The following AKAP6 variants were observed in gnomAD, a reference collection of about 807,000 sequenced individuals.
The protein encoded by AKAP6 is A-kinase anchor protein 6.
A neutral mutation model predicts 188.5 loss-of-function variants in AKAP6; 58 were observed. That is an observed-to-expected ratio of 0.31 (90% CI 0.25 to 0.38). The LOEUF is 0.38. Ranked by LOEUF, AKAP6 falls within the 10% of genes least tolerant of loss-of-function variation. The pLI, the probability that AKAP6 is intolerant of heterozygous loss-of-function variation, is 1.00. For synonymous variants in AKAP6, 989 were observed against 998.6 expected, an observed-to-expected ratio of 0.99 and a Z score of 0.18; for missense variants, 2,710 against 2,740.0, an observed-to-expected ratio of 0.99 and a Z score of 0.24.
intron 2 of AKAP6, among the ~76,000 whole-genome samples, chr14:32,503,959 T>C (rs1291894082): frequency 6.6e-6 from 1 of 151,812 alleles, no homozygotes; most frequent in Non-Finnish European, 1.5e-5. Flanking sequence ...CATATATTAA[T>C]GCATTATATT....
chr14:32,692,831 C>A (rs1157131183), intron 8 of AKAP6, among the ~76,000 whole-genome samples: 1 of 152,066 alleles, frequency 6.6e-6, no homozygotes, highest in Non-Finnish European at 1.5e-5. Flanking sequence ...AAGCTTCTTT[C>A]TTTTGTCTTG....
At chr14:32,665,699 G>A (rs1015119364) in intron 7 of AKAP6, among the ~76,000 whole-genome samples, 5 of 152,162 alleles carry the variant, frequency 3.3e-5, no homozygotes, top group South Asian at 2.1e-4. Flanking sequence ...CTTTAGGGCA[G>A]GTGAAAGCAG....
At chr14:32,735,637 T>C in intron 10 of AKAP6, 21 bp from the exon 11 acceptor site, 1 of 1,514,208 alleles carries the variant, frequency 6.6e-7, no homozygotes, top group East Asian at 2.3e-5. Context: ...TTATTTTTTG[T>C]TTTTTAATCT....
At chr14:32,759,481 A>G (rs749927322) in intron 11 of AKAP6, among the ~76,000 whole-genome samples, 2 of 152,172 alleles carry the variant, frequency 1.3e-5, no homozygotes, top group Non-Finnish European at 2.9e-5. Flanking sequence ...AGCCAAGACC[A>G]CCAGCAAAAG....
intron 7 of AKAP6, among the ~76,000 whole-genome samples, chr14:32,635,927 A>G (rs888982994): frequency 6.6e-6 from 1 of 152,018 alleles, no homozygotes; most frequent in Non-Finnish European, 1.5e-5. Context: ...GCACCATTCA[A>G]TTTATTCATT....
chr14:32,353,370 GCTAACACGGTGAAACCCTGT>G (rs113620349), intron 1 of AKAP6, among the ~76,000 whole-genome samples: 11 of 152,222 alleles, frequency 7.2e-5, no homozygotes, highest in African/African-American at 2.2e-4. Context: ...AACCATCCTG[GCTAACACGGTGAAACCCTGT>G]CTCTACTAAA....
At chr14:32,529,258 A>G (rs1382138279) in intron 2 of AKAP6, among the ~76,000 whole-genome samples, 1 of 152,088 alleles carries the variant, frequency 6.6e-6, no homozygotes, top group Non-Finnish European at 1.5e-5. Context: ...TTTTTATTTC[A>G]TATTCCAATT....
chr14:32,454,064 A>G (rs2138789164), intron 2 of AKAP6, among the ~76,000 whole-genome samples: 1 of 152,258 alleles, frequency 6.6e-6, no homozygotes, highest in South Asian at 2.1e-4. Context: ...ACATGAAGAA[A>G]CCATGAGTAC....
chr14:32,605,224 T>C (rs1363005914), intron 7 of AKAP6, among the ~76,000 whole-genome samples: 1 of 152,184 alleles, frequency 6.6e-6, no homozygotes, highest in Non-Finnish European at 1.5e-5. Flanking sequence ...CAAAGTGCTA[T>C]AAATACACTG....
intron 2 of AKAP6, among the ~76,000 whole-genome samples, chr14:32,507,987 G>A (rs1880965277): frequency 6.6e-6 from 1 of 152,184 alleles, no homozygotes; most frequent in South Asian, 2.1e-4. Flanking sequence ...CCAGAGACCT[G>A]AGTTCTGTCA....
chr14:32,389,425 T>G (rs1888636485), intron 1 of AKAP6, among the ~76,000 whole-genome samples: 1 of 152,026 alleles, frequency 6.6e-6, no homozygotes, highest in Non-Finnish European at 1.5e-5. Context: ...TTAGTTGTAT[T>G]TTTGTTTTAT....
At chr14:32,493,931 G>C (rs377243686) in intron 2 of AKAP6, among the ~76,000 whole-genome samples, 2 of 152,114 alleles carry the variant, frequency 1.3e-5, no homozygotes, top group Non-Finnish European at 2.9e-5. Context: ...GCACTGAGGA[G>C]GGGTCATTAA....
chr14:32,502,257 G>T (rs1566542168), intron 2 of AKAP6, among the ~76,000 whole-genome samples: 1 of 152,098 alleles, frequency 6.6e-6, no homozygotes, highest in African/African-American at 2.4e-5. Flanking sequence ...TTAAATGAAA[G>T]GAGATATTTT....
chr14:32,510,038 A>G (rs1410838641), intron 2 of AKAP6, among the ~76,000 whole-genome samples: 5 of 152,062 alleles, frequency 3.3e-5, no homozygotes, highest in Admixed American at 3.3e-4. Flanking sequence ...GGAAGTTTTG[A>G]GGCCAGTTGA....
At chr14:32,589,657 T>C (rs1885400421) in intron 5 of AKAP6, among the ~76,000 whole-genome samples, 1 of 152,234 alleles carries the variant, frequency 6.6e-6, no homozygotes, top group African/African-American at 2.4e-5. Flanking sequence ...TCTTGGGCCA[T>C]AATACCCAGT....
In AKAP6 at chr14:32,514,849, A is replaced by G. The variant is rs78895827; in HGVS notation, c.325-20705A>G. Among the ~76,000 whole-genome samples the G allele has an allele frequency of 6.1e-4, 93 of 152,272 alleles. No homozygotes were observed. The East Asian group carries it at 0.017, about 28-fold the overall frequency. On this transcript the variant is annotated intron_variant, in intron 2 of 13. Coordinates refer to ENST00000280979, the MANE Select transcript of AKAP6 (RefSeq NM_004274.5). ...ATGGCCTGAACCCAGCATAGCAACT[A>G]AGGAAAACACAACAAAAAGGGCCTC...
intron 2 of AKAP6, among the ~76,000 whole-genome samples, chr14:32,510,535 A>C (rs1881206983): frequency 1.4e-5 from 2 of 145,838 alleles, no homozygotes; most frequent in Admixed American, 7.0e-5. Context: ...TATTCCCTGG[A>C]GATATTTTGA....
At chr14:32,805,240 G>A (rs12897884) in intron 12 of AKAP6, among the ~76,000 whole-genome samples, 33,654 of 151,984 alleles carry the variant, frequency 0.22, 4,508 homozygotes, top group Non-Finnish European at 0.3. Context: ...CCCTCTGTTC[G>A]GGGTCCCTGA....
intron 11 of AKAP6, among the ~76,000 whole-genome samples, chr14:32,754,474 T>G (rs2032259399): frequency 6.6e-6 from 1 of 152,142 alleles, no homozygotes; most frequent in African/African-American, 2.4e-5. Context: ...ACCAAACTAT[T>G]TTAGCTATAA....
Sources: allele counts gnomAD v4.1 joint callset (sites outside exome capture counted in the v4.1 genomes callset), GRCh38; gene constraint gnomAD v4.1.1; transcripts MANE v1.5; gene names NCBI Gene and HGNC (gene_info 2026-07-23, HGNC 2026-07-21).